Variants in ANKFN1 observed in about 807,000 individuals in gnomAD.
The protein encoded by ANKFN1 is ankyrin repeat and fibronectin type-III domain-containing protein 1.
A neutral mutation model predicts 108.7 loss-of-function variants in ANKFN1; 74 were observed. The ratio of observed to expected loss-of-function variants is 0.68; its 90% CI spans 0.56 to 0.83. ANKFN1 has a LOEUF of 0.83. Among genes scored for constraint, ANKFN1 ranks in the 40% least tolerant of loss-of-function variants. The probability of loss-of-function intolerance (pLI) is 0.00; values close to 1 mark genes in which losing one functional copy is unlikely to be tolerated. For synonymous variants in ANKFN1, 547 were observed against 516.2 expected, an observed-to-expected ratio of 1.06 and a Z score of -0.81; for missense variants, 1,505 against 1,382.3, an observed-to-expected ratio of 1.09 and a Z score of -1.41.
chr17:56,453,239 T>A (rs1189802363), intron 11 of ANKFN1, among the ~76,000 whole-genome samples: 2 of 152,132 alleles, frequency 1.3e-5, no homozygotes, highest in Non-Finnish European at 2.9e-5. Context: ...CGTGCATAGT[T>A]CCTATCTTCT....
intron 1 of ANKFN1, among the ~76,000 whole-genome samples, chr17:56,189,778 G>A (rs1435980208): frequency 6.6e-6 from 1 of 152,130 alleles, no homozygotes; most frequent in East Asian, 1.9e-4. Context: ...GCCTACCCCA[G>A]CTGGAATAAA....
intron 3 of ANKFN1, among the ~76,000 whole-genome samples, chr17:56,310,862 T>G (rs1050559112): frequency 3.9e-5 from 6 of 152,016 alleles, no homozygotes. Context: ...ATTAGATCTC[T>G]AGAACTTATT....
chr17:56,427,852 G>C (rs192425261), intron 8 of ANKFN1, among the ~76,000 whole-genome samples: 9 of 152,028 alleles, frequency 5.9e-5, no homozygotes, highest in Non-Finnish European at 1.0e-4. Flanking sequence ...ATCTGAGCTA[G>C]TTATTTAAAA....
At chr17:56,268,797 A>ACTCATCT in intron 3 of ANKFN1, among the ~76,000 whole-genome samples, 1 of 152,026 alleles carries the variant, frequency 6.6e-6, no homozygotes, top group East Asian at 1.9e-4. Context: ...TTTATTTTCA[A>ACTCATCT]CTCATCTTCT....
intron 18 of ANKFN1, among the ~76,000 whole-genome samples, chr17:56,483,593 A>G (rs535417717): frequency 3.3e-5 from 5 of 152,352 alleles, no homozygotes; most frequent in Middle Eastern, 3.4e-3. Flanking sequence ...AAGAAGCTCA[A>G]ATCAGACTCG....
intron 4 of ANKFN1, among the ~76,000 whole-genome samples, chr17:56,077,599 T>C (rs79178378): frequency 6.4e-4 from 97 of 152,372 alleles, no homozygotes; most frequent in African/African-American, 2.1e-3. Context: ...TGGCTTATTT[T>C]GTGCATTTTC....
intron 3 of ANKFN1, among the ~76,000 whole-genome samples, chr17:56,304,553 T>TA (rs1381153978): frequency 4.6e-5 from 7 of 152,072 alleles, no homozygotes; most frequent in African/African-American, 1.2e-4. Flanking sequence ...TGCTTAGTTT[T>TA]AAAAAAAATC....
chr17:56,142,569 C>A (rs1430472468), intron 4 of ANKFN1, among the ~76,000 whole-genome samples: 1 of 152,148 alleles, frequency 6.6e-6, no homozygotes, highest in East Asian at 1.9e-4. Context: ...AATTCAGACC[C>A]TGGAAAATTC....
At chr17:56,468,901 C>CT (rs772717056) in intron 15 of ANKFN1, among the ~76,000 whole-genome samples, 1 of 152,042 alleles carries the variant, frequency 6.6e-6, no homozygotes, top group African/African-American at 2.4e-5. Flanking sequence ...TAAGCAAGTG[C>CT]TAAAAGAAAC....
At chr17:56,302,646 C>G (rs1469179619) in intron 3 of ANKFN1, among the ~76,000 whole-genome samples, 1 of 151,842 alleles carries the variant, frequency 6.6e-6, no homozygotes, top group Non-Finnish European at 1.5e-5. Flanking sequence ...AGATAGAGAA[C>G]AGAGTTAAAA....
chr17:56,330,430 G>T (rs908969685), intron 4 of ANKFN1, among the ~76,000 whole-genome samples: 1 of 152,086 alleles, frequency 6.6e-6, no homozygotes, highest in Admixed American at 6.6e-5. Flanking sequence ...TGACATGTGG[G>T]GATTATTACA....
intron 4 of ANKFN1, among the ~76,000 whole-genome samples, chr17:56,081,009 C>T (rs888229601): frequency 1.3e-5 from 2 of 152,200 alleles, no homozygotes; most frequent in Non-Finnish European, 1.5e-5. Context: ...GGGCAACTCA[C>T]ATCCAGTGAT....
intron 4 of ANKFN1, among the ~76,000 whole-genome samples, chr17:56,144,156 GAA>G (rs59884444): frequency 6.4e-3 from 259 of 40,524 alleles, no homozygotes; most frequent in Middle Eastern, 0.023. Context: ...AGGCGCATCT[GAA>G]AAAAAAAAAA....
chr17:56,071,086 A>G (rs1905116406), intron 4 of ANKFN1, among the ~76,000 whole-genome samples: 1 of 152,146 alleles, frequency 6.6e-6, no homozygotes, highest in African/African-American at 2.4e-5. Flanking sequence ...TCCTGCAAGT[A>G]TGCTCTAACC....
intron 15 of ANKFN1, among the ~76,000 whole-genome samples, chr17:56,468,443 G>GTGAT (rs2050206436): frequency 6.6e-6 from 1 of 151,150 alleles, no homozygotes; most frequent in African/African-American, 2.4e-5. Flanking sequence ...TTTTAATCCA[G>GTGAT]TGATAGGGAT....
intron 4 of ANKFN1, among the ~76,000 whole-genome samples, chr17:56,337,768 C>T (rs2045853492): frequency 6.6e-6 from 1 of 152,084 alleles, no homozygotes; most frequent in Non-Finnish European, 1.5e-5. Context: ...CATCTCACAC[C>T]AGTTAGAATG....
chr17:56,334,344 A>T (rs1567921881), intron 4 of ANKFN1, among the ~76,000 whole-genome samples: 2 of 152,070 alleles, frequency 1.3e-5, no homozygotes, highest in African/African-American at 4.8e-5. Flanking sequence ...AGGGGGGAAA[A>T]GATTACAAAA....
chr17:56,146,793 T>C (rs895668133), intron 4 of ANKFN1, among the ~76,000 whole-genome samples: 1 of 152,244 alleles, frequency 6.6e-6, no homozygotes, highest in Non-Finnish European at 1.5e-5. Flanking sequence ...TGACATGCCC[T>C]GGAGACATTT....
chr17:56,206,222 A>G (rs1914520163), intron 1 of ANKFN1, among the ~76,000 whole-genome samples: 1 of 151,992 alleles, frequency 6.6e-6, no homozygotes, highest in Admixed American at 6.6e-5. Context: ...ATAGTATTTT[A>G]TTTGCTATGT....
Sources: gnomAD v4.1 joint callset for allele counts (sites outside exome capture counted in the v4.1 genomes callset) on GRCh38, gnomAD v4.1.1 for gene constraint, MANE v1.5 for transcripts, NCBI Gene and HGNC (gene_info 2026-07-23, HGNC 2026-07-21) for gene names.